Variants in C1orf21 observed in about 807,000 individuals in gnomAD.
C1orf21 encodes chromosome 1 open reading frame 21.
C1orf21 carries 3 observed loss-of-function variants against 18.7 expected under a neutral mutation model. The observed-to-expected ratio is 0.16, with a 90% CI of 0.07 to 0.42. C1orf21 has a LOEUF of 0.42. Among genes scored for constraint, C1orf21 ranks in the 10% least tolerant of loss-of-function variants. The pLI is 0.99. For missense variants in C1orf21, 104 were observed against 143.6 expected, an observed-to-expected ratio of 0.72 and a Z score of 1.41; for synonymous variants, 41 against 46.4, an observed-to-expected ratio of 0.88 and a Z score of 0.47.
rs912869783 is a variant in C1orf21, at chr1:184,414,603, G to GA, written c.-125+27247dup. On this transcript the variant is annotated intron_variant, in intron 1 of 5. Transcript: ENST00000235307. ...CTAAGTGTAAGAGCCCTTCTGGTAG[G>GA]AAAAAAAAAAAATGACACTGTATTA... is the stretch of plus-strand genomic sequence containing the variant. Among the ~76,000 whole-genome samples the GA allele has an allele frequency of 6.0e-3, 856 of 141,608 alleles. 3 individuals carry two copies. Among genetic ancestry groups the GA allele is most frequent in the Non-Finnish European group, 8.0e-3 (513 of 64,490 alleles). 92.9% of individuals were successfully genotyped at this position (141,608 alleles called of 152,430 possible).
intron 2 of C1orf21, among the ~76,000 whole-genome samples, chr1:184,497,978 A>G (rs1557987062): frequency 1.3e-5 from 2 of 151,976 alleles, no homozygotes; most frequent in African/African-American, 4.8e-5. Flanking sequence ...AAAATCTCTC[A>G]TCTCTCTCAT....
intron 1 of C1orf21, among the ~76,000 whole-genome samples, chr1:184,443,851 A>C (rs142416006): frequency 1.3e-5 from 2 of 152,252 alleles, no homozygotes; most frequent in Non-Finnish European, 2.9e-5. Context: ...ACTGGATTGC[A>C]CTGTTTAGAG....
chr1:184,400,989 C>A (rs946140788), intron 1 of C1orf21, among the ~76,000 whole-genome samples: 1 of 152,040 alleles, frequency 6.6e-6, no homozygotes, highest in African/African-American at 2.4e-5. Context: ...TGCCTCTTAC[C>A]CTAGAGCCTC....
intron 1 of C1orf21, among the ~76,000 whole-genome samples, chr1:184,463,576 C>T (rs1412545507): frequency 6.6e-6 from 1 of 152,092 alleles, no homozygotes; most frequent in Non-Finnish European, 1.5e-5. Flanking sequence ...GTTTATTAAT[C>T]TTCTACTTTG....
At chr1:184,392,977 C>T (rs1655996993) in intron 1 of C1orf21, among the ~76,000 whole-genome samples, 1 of 151,940 alleles carries the variant, frequency 6.6e-6, no homozygotes, top group Non-Finnish European at 1.5e-5. Context: ...CACAGGTGCA[C>T]ACCATACACC....
At chr1:184,508,806 A>G (rs1010505630) in intron 3 of C1orf21, among the ~76,000 whole-genome samples, 4 of 152,222 alleles carry the variant, frequency 2.6e-5, no homozygotes, top group African/African-American at 9.6e-5. Flanking sequence ...CTTAAGACAC[A>G]GAGATTCATC....
chr1:184,564,797 T>G (rs1045575028), intron 3 of C1orf21, among the ~76,000 whole-genome samples: 2 of 152,156 alleles, frequency 1.3e-5, no homozygotes, highest in African/African-American at 4.8e-5. Context: ...TGGGGTCTTT[T>G]CTAATTCAGC....
chr1:184,443,453 C>G (rs939222160), intron 1 of C1orf21, among the ~76,000 whole-genome samples: 9 of 152,196 alleles, frequency 5.9e-5, no homozygotes, highest in Admixed American at 5.9e-4. Context: ...CCTCCCTTCT[C>G]TCTCAGAAGG....
chr1:184,619,418 C>A, intron 5 of C1orf21, 100 bp from the exon 6 acceptor site: 1 of 1,290,086 alleles, frequency 7.8e-7, no homozygotes, highest in Non-Finnish European at 1.1e-6. Context: ...GATTCTGTTG[C>A]AAGGAGACAT....
chr1:184,603,148 G>T (rs969189143), intron 5 of C1orf21, among the ~76,000 whole-genome samples: 1 of 152,196 alleles, frequency 6.6e-6, no homozygotes, highest in South Asian at 2.1e-4. Context: ...TCTTTCTTAT[G>T]TATTTTGCTG....
intron 3 of C1orf21, among the ~76,000 whole-genome samples, chr1:184,554,061 C>A (rs1658846680): frequency 6.6e-6 from 1 of 152,180 alleles, no homozygotes; most frequent in Non-Finnish European, 1.5e-5. Context: ...CCAGTTCAGT[C>A]ATAAACCTTA....
Position 184,547,532 on chromosome 1 carries a change from T to C in C1orf21, c.189+39850T>C, listed in dbSNP as rs182968176. Among the ~76,000 whole-genome samples the C allele has an allele frequency of 4.7e-5, 7 of 149,930 alleles. No homozygotes were observed. In the Admixed American group the frequency reaches 4.7e-4, roughly 10 times the overall value. ...TTCTGAAAACCACAGGGAGGAAATC[T>C]AGGAAATCACAGGGAAGCTCTGTTT... On this transcript the variant is annotated intron_variant, in intron 3 of 5. Coordinates refer to ENST00000235307, the MANE Select transcript of C1orf21 (RefSeq NM_030806.4).
At chr1:184,427,760 A>G (rs74521194) in intron 1 of C1orf21, among the ~76,000 whole-genome samples, 9,042 of 152,186 alleles carry the variant, frequency 0.059, 336 homozygotes, top group Non-Finnish European at 0.072. Context: ...TACCTTTTCC[A>G]TCTTTGCCAT....
intron 2 of C1orf21, among the ~76,000 whole-genome samples, chr1:184,486,711 C>T (rs985626589): frequency 6.6e-6 from 1 of 152,134 alleles, no homozygotes; most frequent in African/African-American, 2.4e-5. Context: ...AAAAAAAAAT[C>T]CAAGTGCTAC....
chr1:184,502,637 A>G (rs1465348879), intron 2 of C1orf21, among the ~76,000 whole-genome samples: 1 of 152,200 alleles, frequency 6.6e-6, no homozygotes, highest in Non-Finnish European at 1.5e-5. Flanking sequence ...ATGAGGTATC[A>G]TAAGGGATAT....
chr1:184,472,795 TAC>T (rs1314561685), intron 1 of C1orf21, among the ~76,000 whole-genome samples: 1 of 152,238 alleles, frequency 6.6e-6, no homozygotes, highest in Non-Finnish European at 1.5e-5. Flanking sequence ...GTAATGGACC[TAC>T]TTGCCTGGGG....
intron 1 of C1orf21, among the ~76,000 whole-genome samples, chr1:184,404,192 G>A (rs1656207311): frequency 6.6e-6 from 1 of 152,114 alleles, no homozygotes; most frequent in Non-Finnish European, 1.5e-5. Context: ...TTTTAATGCA[G>A]GTTTATCTGT....
intron 1 of C1orf21, among the ~76,000 whole-genome samples, chr1:184,405,585 G>A (rs1031000250): frequency 7.9e-5 from 12 of 152,010 alleles, no homozygotes; most frequent in African/African-American, 2.4e-4. Context: ...TGATATTTTC[G>A]CAGAGAATGC....
chr1:184,396,870 G>A (rs1184326871), intron 1 of C1orf21, among the ~76,000 whole-genome samples: 1 of 152,196 alleles, frequency 6.6e-6, no homozygotes, highest in Non-Finnish European at 1.5e-5. Flanking sequence ...AGGCAAGACT[G>A]TATTTGTTTT....
Sources: gnomAD v4.1 joint callset for allele counts (sites outside exome capture counted in the v4.1 genomes callset) on GRCh38, gnomAD v4.1.1 for gene constraint, MANE v1.5 for transcripts, NCBI Gene and HGNC (gene_info 2026-07-23, HGNC 2026-07-21) for gene names.